The following ALPK2 variants were observed in gnomAD, a reference collection of about 807,000 sequenced individuals.
ALPK2 encodes the protein alpha-protein kinase 2.
Under a neutral mutation model 163.1 loss-of-function variants are expected in ALPK2, and 127 were observed. That is an observed-to-expected ratio of 0.78 (90% CI 0.67 to 0.90). The LOEUF (loss-of-function observed/expected upper bound fraction) is 0.90. Ranked by LOEUF, ALPK2 falls within the 40% of genes least tolerant of loss-of-function variation. The pLI is 0.00. For missense variants in ALPK2, 2,360 were observed against 2,589.6 expected (o/e 0.91, Z 1.92); for synonymous variants, 953 against 959.1 (o/e 0.99, Z 0.12).
intron 1 of ALPK2, among the ~76,000 whole-genome samples, chr18:58,618,742 G>A (rs1398713939): frequency 6.6e-6 from 1 of 152,252 alleles, no homozygotes; most frequent in African/African-American, 2.4e-5. Flanking sequence ...CTCAAGTGAT[G>A]TCACGTTTTA....
At chr18:58,603,751 A>G (rs1602236791) in intron 3 of ALPK2, among the ~76,000 whole-genome samples, 1 of 151,542 alleles carries the variant, frequency 6.6e-6, no homozygotes, top group Non-Finnish European at 1.5e-5. Flanking sequence ...TTGCTTTATT[A>G]TGAGGTAGAA....
At chr18:58,532,405 C>T (rs991720059) in intron 5 of ALPK2, among the ~76,000 whole-genome samples, 4 of 152,228 alleles carry the variant, frequency 2.6e-5, no homozygotes, top group Admixed American at 1.3e-4. Flanking sequence ...GAACCTACCC[C>T]GGCATGGGCA....
intron 5 of ALPK2, among the ~76,000 whole-genome samples, chr18:58,529,545 A>G (rs1376939207): frequency 2.0e-5 from 3 of 152,216 alleles, no homozygotes; most frequent in African/African-American, 7.2e-5. Context: ...TTAGATATCT[A>G]TTCTATAGGA....
chr18:58,563,121 A>G lies in ALPK2; in HGVS notation c.1962+15693T>C, dbSNP rs577769327. ...TTACCATATATGGTCCTAGAAATAT[A>G]AGAAAGGAAATGATATCCATATCTA... On this transcript the variant is annotated intron_variant, in intron 4 of 12. Transcript: ENST00000361673. Among the ~76,000 whole-genome samples the G allele has an allele frequency of 2.0e-5, 3 of 152,288 alleles. No homozygotes were observed. The East Asian group carries it at 5.8e-4, about 29-fold the overall frequency.
intron 1 of ALPK2, among the ~76,000 whole-genome samples, chr18:58,617,199 T>C (rs1428937522): frequency 6.6e-6 from 1 of 152,152 alleles, no homozygotes; most frequent in Non-Finnish European, 1.5e-5. Flanking sequence ...TTTATTTATT[T>C]ATTTATTGAG....
At chr18:58,530,721 G>A (rs1432351236) in intron 5 of ALPK2, among the ~76,000 whole-genome samples, 1 of 152,180 alleles carries the variant, frequency 6.6e-6, no homozygotes, top group African/African-American at 2.4e-5. Flanking sequence ...AGGGGCTTTG[G>A]GCTTTGGATA....
At chr18:58,624,070 G>A (rs925328980) in intron 1 of ALPK2, among the ~76,000 whole-genome samples, 2 of 152,116 alleles carry the variant, frequency 1.3e-5, no homozygotes, top group Non-Finnish European at 2.9e-5. Flanking sequence ...CTCGGCTGGC[G>A]ATTCCTCACC....
At chr18:58,619,002 G>A (rs971963275) in intron 1 of ALPK2, among the ~76,000 whole-genome samples, 1 of 152,200 alleles carries the variant, frequency 6.6e-6, no homozygotes, top group African/African-American at 2.4e-5. Context: ...TGATTACCCA[G>A]CCTAATCCAA....
At chr18:58,557,545 T>G (rs951402939) in intron 4 of ALPK2, among the ~76,000 whole-genome samples, 1 of 152,124 alleles carries the variant, frequency 6.6e-6, no homozygotes, top group Non-Finnish European at 1.5e-5. Flanking sequence ...ATCTCTGTAC[T>G]TCCTGCTCAA....
chr18:58,525,291 C>T (rs1164818443), intron 6 of ALPK2, among the ~76,000 whole-genome samples: 1 of 152,118 alleles, frequency 6.6e-6, no homozygotes, highest in Non-Finnish European at 1.5e-5. Context: ...TGAACATATC[C>T]CACTGTATGG....
chr18:58,535,451 T>C lies in ALPK2; in HGVS notation c.4736A>G (p.Gln1579Arg), dbSNP rs33910491. ...TTTCTGTGAAACAGGAAACACATAC[T>C]GACGCTTTCTGGGCTCAACTATGTC... The part of the protein sequence containing the change: ...ENDIVEPRKR[Q>R]YVFPVSQKRG... The change falls in exon 5 of 13, where the codon CAG (glutamine) becomes CGG (arginine). Residue 1579 changes from glutamine (Q) to arginine (R), a missense_variant. Gln to Arg is a conservative substitution (Grantham distance 43). Coordinates refer to ENST00000361673, the MANE Select transcript of ALPK2 (RefSeq NM_052947.4). 196,330 of 1,614,180 alleles carry C rather than the reference T, an allele frequency of 0.12. 13,179 individuals carry two copies. The highest frequency in any genetic ancestry group is 0.15 in the Middle Eastern group (907 of 6,062).
chr18:58,558,013 G>A (rs1054331794), intron 4 of ALPK2, among the ~76,000 whole-genome samples: 5 of 152,162 alleles, frequency 3.3e-5, no homozygotes, highest in Admixed American at 1.3e-4. Context: ...TCCAACCTGG[G>A]AGCTTTGAGC....
chr18:58,481,725 A>C lies in ALPK2; in HGVS notation c.*98T>G, dbSNP rs914902329. 1.0e-6 allele frequency: 1 copy of C among 977,746 alleles called. No individual in the cohort carries two copies. The highest frequency in any genetic ancestry group is 1.5e-5 in the South Asian group (1 of 66,114). The allele number at this position is 977,746 out of a possible 1,614,324, so 60.6% of individuals were successfully genotyped here. A position where few individuals can be genotyped will look rare whatever the true frequency, so the allele number is the denominator to read the frequency against. On this transcript the variant is annotated 3_prime_UTR_variant, in exon 13 of 13. Transcript: ENST00000361673. ...CGGCTGGGAGTAAGGATTGCCACGC[A>C]CTCTCTGCAGGCTGTATATTCTCTC...
chr18:58,486,740 T>G (rs2144095315), intron 12 of ALPK2, among the ~76,000 whole-genome samples: 1 of 152,346 alleles, frequency 6.6e-6, no homozygotes. Flanking sequence ...TTGGCCTCTG[T>G]CTCAGCCAGG....
chr18:58,575,218 AAGAAG>A (rs1437154971), intron 4 of ALPK2, among the ~76,000 whole-genome samples: 5 of 147,794 alleles, frequency 3.4e-5, no homozygotes, highest in African/African-American at 9.9e-5. Flanking sequence ...AAAAAAAAAA[AAGAAG>A]AAGAAGAAAG....
At chr18:58,514,556 C>T (rs1386352057) in intron 10 of ALPK2, among the ~76,000 whole-genome samples, 1 of 152,104 alleles carries the variant, frequency 6.6e-6, no homozygotes, top group Admixed American at 6.5e-5. Context: ...TTTCTGATCA[C>T]CCAATCCACT....
chr18:58,575,578 A>G (rs1041884422), intron 4 of ALPK2, among the ~76,000 whole-genome samples: 1 of 152,196 alleles, frequency 6.6e-6, no homozygotes, highest in Non-Finnish European at 1.5e-5. Context: ...GGTGAGGATG[A>G]TCTTACCCTA....
intron 12 of ALPK2, among the ~76,000 whole-genome samples, chr18:58,496,403 T>C (rs1411296826): frequency 6.6e-6 from 1 of 152,178 alleles, no homozygotes; most frequent in African/African-American, 2.4e-5. Flanking sequence ...AGTTCCAACA[T>C]AAAACTTCAT....
chr18:58,571,291 G>A (rs987140703), intron 4 of ALPK2, among the ~76,000 whole-genome samples: 6 of 151,964 alleles, frequency 3.9e-5, no homozygotes, highest in African/African-American at 7.3e-5. Flanking sequence ...AAAATGCTGC[G>A]ACTACAGGTG....
Sources: gnomAD v4.1 joint callset for allele counts (sites outside exome capture counted in the v4.1 genomes callset) on GRCh38, gnomAD v4.1.1 for gene constraint, MANE v1.5 for transcripts, NCBI Gene and HGNC (gene_info 2026-07-23, HGNC 2026-07-21) for gene names.